PPIP5K2: variants seen among roughly 807,000 people sequenced by gnomAD.
PPIP5K2 encodes diphosphoinositol pentakisphosphate kinase 2.
A neutral mutation model predicts 154.6 loss-of-function variants in PPIP5K2; 105 were observed. The ratio of observed to expected loss-of-function variants is 0.68; its 90% CI spans 0.58 to 0.80. The LOEUF (loss-of-function observed/expected upper bound fraction) is 0.80. Ranked by LOEUF, PPIP5K2 falls within the 30% of genes least tolerant of loss-of-function variation. The probability of loss-of-function intolerance (pLI) is 0.00; values close to 1 mark genes in which losing one functional copy is unlikely to be tolerated. For missense variants in PPIP5K2, 992 were observed against 1,504.6 expected (o/e 0.66, Z 5.64); for synonymous variants, 480 against 490.3 (o/e 0.98, Z 0.28).
intron 4 of PPIP5K2, among the ~76,000 whole-genome samples, chr5:103,137,108 A>G (rs1411800009): frequency 2.6e-5 from 4 of 151,844 alleles, no homozygotes; most frequent in Non-Finnish European, 5.9e-5. Context: ...ACTTATGAGC[A>G]CTTTTTCTGT....
chr5:103,158,742 C>T (rs546860839), intron 16 of PPIP5K2, among the ~76,000 whole-genome samples, 169 bp downstream of exon 16: 9 of 151,824 alleles, frequency 5.9e-5, no homozygotes, highest in East Asian at 5.8e-4. Flanking sequence ...GGCAACATGA[C>T]GAAACCTGTC....
rs115017678 is a variant in PPIP5K2, at chr5:103,196,613, A to G, written c.3619+1588A>G. Among the ~76,000 whole-genome samples, 833 of 152,284 alleles carry G rather than the reference A, an allele frequency of 5.5e-3. 9 individuals carry two copies. Among genetic ancestry groups the G allele is most frequent in the African/African-American group, 0.019 (789 of 41,580 alleles). On this transcript the variant is annotated intron_variant, in intron 30 of 30. Transcript: ENST00000358359. ...AGATAGTAACTTAATCCCAGCTTACATAGCTAGTAGTCAGTAGACCTAGGA... is the reference window on the plus strand; with the variant it reads ...AGATAGTAACTTAATCCCAGCTTACGTAGCTAGTAGTCAGTAGACCTAGGA...
chr5:103,134,855 TA>T (rs1275702366), intron 3 of PPIP5K2, among the ~76,000 whole-genome samples: 1 of 152,214 alleles, frequency 6.6e-6, no homozygotes, highest in Non-Finnish European at 1.5e-5. Flanking sequence ...AGAGTCTTTA[TA>T]AAACTTTCAG....
At chr5:103,153,966 T>C in intron 11 of PPIP5K2, 32 bp downstream of exon 11, 1 of 1,458,060 alleles carries the variant, frequency 6.9e-7, no homozygotes, top group Non-Finnish European at 9.4e-7. Context: ...TTAACATGCA[T>C]GATACAATTT....
At chr5:103,156,059 A>G in intron 14 of PPIP5K2, 65 bp downstream of exon 14, 1 of 1,081,704 alleles carries the variant, frequency 9.2e-7, no homozygotes, top group Non-Finnish European at 1.4e-6. Context: ...ACTGTTGATT[A>G]CCTTTGGACC....
Position 103,180,084 on chromosome 5 carries a change from G to A in PPIP5K2, c.2818G>A (p.Glu940Lys). The A allele has an allele frequency of 6.2e-7, 1 of 1,603,448 alleles. No homozygotes were observed. Among genetic ancestry groups the A allele is most frequent in the Non-Finnish European group, 8.5e-7 (1 of 1,175,676 alleles). ...TGAACCACATACTTCTAAAAGAGAT[G>A]AAGTTGATCGAGCTGTGATATTGTT... ...DDEPHTSKRD[E>K]VDRAVILFKP... The change falls in exon 24 of 31, where the codon GAA becomes AAA. Residue 940 changes from glutamate (E) to lysine (K), a missense_variant. By Grantham distance (56) the Glu-to-Lys change is moderately conservative. Around this residue, in one of 9 missense-constraint regions of PPIP5K2, gnomAD observed 204 missense variants for 224.0 expected, o/e 0.91. Transcript: ENST00000358359.
In PPIP5K2 at chr5:103,210,935, T is replaced by C. The variant is rs1422991726; in HGVS notation, c.*9301T>C. ...AATACAGTTATGGAAATATTTCTGC[T>C]GCAAGAAAAGAATTACATACAACTA... On this transcript the variant is annotated 3_prime_UTR_variant, in exon 31 of 31. Transcript: ENST00000358359. 6.6e-6 allele frequency: 1 copy of C among 152,140 alleles called. No homozygotes were observed. Among genetic ancestry groups the C allele is most frequent in the Non-Finnish European group, 1.5e-5 (1 of 67,998 alleles). 9.4% of individuals were successfully genotyped at this position (152,140 alleles called of 1,614,324 possible).
chr5:103,192,756 A>C (rs1175486325), intron 29 of PPIP5K2, among the ~76,000 whole-genome samples: 2 of 152,162 alleles, frequency 1.3e-5, no homozygotes, highest in Non-Finnish European at 2.9e-5. Context: ...AAAGGATATT[A>C]GATTCTTTTT....
intron 3 of PPIP5K2, chr5:103,135,849 A>C (rs1333426562): frequency 6.6e-6 from 1 of 152,148 alleles, no homozygotes; most frequent in Non-Finnish European, 1.5e-5. Context: ...TACTTTTACC[A>C]GTCTACAAGT....
intron 21 of PPIP5K2, among the ~76,000 whole-genome samples, chr5:103,174,596 C>G (rs1459775970): frequency 1.3e-5 from 2 of 152,038 alleles, no homozygotes; most frequent in African/African-American, 4.8e-5. Flanking sequence ...CTTCATGTGG[C>G]CTGCTTCCTC....
intron 2 of PPIP5K2, among the ~76,000 whole-genome samples, chr5:103,130,058 G>T (rs1236191230): frequency 6.6e-6 from 1 of 152,100 alleles, no homozygotes; most frequent in Non-Finnish European, 1.5e-5. Context: ...TAATTTTAAA[G>T]TTACAAAAGA....
chr5:103,125,066 C>G (rs1261455708), intron 1 of PPIP5K2, among the ~76,000 whole-genome samples: 1 of 152,132 alleles, frequency 6.6e-6, no homozygotes, highest in Non-Finnish European at 1.5e-5. Flanking sequence ...TGCCAACCAC[C>G]AGAAGACAAA....
intron 9 of PPIP5K2, among the ~76,000 whole-genome samples, chr5:103,152,429 ATAAT>A (rs1200896265): frequency 1.3e-5 from 2 of 151,878 alleles, no homozygotes; most frequent in African/African-American, 4.8e-5. Context: ...ACTAAAGTAA[ATAAT>A]CTCAAATTTG....
chr5:103,153,265 A>T (rs1794916561), intron 10 of PPIP5K2, among the ~76,000 whole-genome samples: 1 of 151,824 alleles, frequency 6.6e-6, no homozygotes, highest in African/African-American at 2.4e-5. Context: ...TTTAACACGC[A>T]AGTGTTAAAT....
In PPIP5K2 at chr5:103,179,947, G is replaced by T. The variant is rs1351039518; in HGVS notation, c.2755-74G>T. Reference sequence around the variant, plus strand: ...TGTATTTCAAGTACCTCTACCAGTGGTAGTTGAATCTGTTCATCAGAAGAG... The same window carrying T: ...TGTATTTCAAGTACCTCTACCAGTGTTAGTTGAATCTGTTCATCAGAAGAG... On this transcript the variant is annotated intron_variant, in intron 23 of 30. Coordinates refer to ENST00000358359, the MANE Select transcript of PPIP5K2 (RefSeq NM_001276277.3). 6 of 1,244,108 alleles carry T rather than the reference G, an allele frequency of 4.8e-6. No individual in the cohort carries two copies. The African/African-American group carries it at 7.8e-5, about 16-fold the overall frequency. The allele number at this position is 1,244,108 out of a possible 1,614,324, so 77.1% of individuals were successfully genotyped here.
At chr5:103,160,787 A>T (rs1464009513) in intron 17 of PPIP5K2, among the ~76,000 whole-genome samples, 1 of 152,012 alleles carries the variant, frequency 6.6e-6, no homozygotes, top group Non-Finnish European at 1.5e-5. Flanking sequence ...AGAGTTTTGG[A>T]CTGTTAGGAT....
chr5:103,210,715 A>T lies in PPIP5K2; in HGVS notation c.*9081A>T, dbSNP rs1803760897. On this transcript the variant is annotated 3_prime_UTR_variant, in exon 31 of 31. Transcript: ENST00000358359. ...ATTATCATGCTCTGTTGTTCCCTGG[A>T]TGCTCTTTTGAGGAATTTACTTGGT... is the stretch of plus-strand genomic sequence containing the variant. 6.6e-6 allele frequency: 1 copy of T among 152,098 alleles called. No individual in the cohort carries two copies. Among genetic ancestry groups the T allele is most frequent in the Admixed American group, 6.6e-5 (1 of 15,264 alleles). 9.4% of individuals were successfully genotyped at this position (152,098 alleles called of 1,614,324 possible).
chr5:103,212,048 T>C lies in PPIP5K2; in HGVS notation c.*10414T>C, dbSNP rs1562533513. 6.6e-6 allele frequency: 1 copy of C among 152,134 alleles called. No individual in the cohort carries two copies. The highest frequency in any genetic ancestry group is 1.5e-5 in the Non-Finnish European group (1 of 68,002). The allele number at this position is 152,134 out of a possible 1,614,324, so 9.4% of individuals were successfully genotyped here. Reference sequence around the variant, plus strand: ...GTTTTGGTTTTGGTTTTGGTTTTGTTTTTTTGGTCAACATGAATTATAGCT... The same window carrying C: ...GTTTTGGTTTTGGTTTTGGTTTTGTCTTTTTGGTCAACATGAATTATAGCT... On this transcript the variant is annotated 3_prime_UTR_variant, in exon 31 of 31. Coordinates refer to ENST00000358359, the MANE Select transcript of PPIP5K2 (RefSeq NM_001276277.3).
intron 10 of PPIP5K2, 42 bp from the exon 11 acceptor site, chr5:103,153,806 C>A (rs782730513): frequency 2.2e-6 from 3 of 1,382,704 alleles, no homozygotes; most frequent in African/African-American, 1.5e-5. Flanking sequence ...CAACACAAAT[C>A]TTTTTTAGAG....
Sources: gnomAD v4.1 joint callset for allele counts (sites outside exome capture counted in the v4.1 genomes callset) on GRCh38, gnomAD v4.1.1 for gene constraint, gnomAD v4.1.1 regional missense constraint, MANE v1.5 for transcripts, NCBI Gene and HGNC (gene_info 2026-07-23, HGNC 2026-07-21) for gene names.